The following FAR2 variants were observed in gnomAD, a reference collection of about 807,000 sequenced individuals.
FAR2 encodes fatty acyl-CoA reductase 2.
FAR2 carries 19 observed loss-of-function variants against 56.0 expected under a neutral mutation model. The observed-to-expected ratio is 0.34, with a 90% CI of 0.24 to 0.50. The LOEUF (loss-of-function observed/expected upper bound fraction) is 0.50, where lower values mean the gene tolerates loss of function less well. FAR2 is among the 20% of genes least tolerant of loss of function. FAR2 has a pLI of 0.98. For synonymous variants in FAR2, 219 were observed against 218.8 expected (o/e 1.00, Z -0.01); for missense variants, 508 against 642.2 (o/e 0.79, Z 2.26).
chr12:29,319,393 G>GT (rs1003865325), intron 9 of FAR2, among the ~76,000 whole-genome samples: 3 of 151,996 alleles, frequency 2.0e-5, no homozygotes, highest in Non-Finnish European at 4.4e-5. Context: ...ACATCTTTTT[G>GT]TTTTTTTGAT....
At chr12:29,329,345 G>C (rs1949697662) in intron 10 of FAR2, among the ~76,000 whole-genome samples, 1 of 152,136 alleles carries the variant, frequency 6.6e-6, no homozygotes, top group South Asian at 2.1e-4. Flanking sequence ...AAGGTAATGA[G>C]CTTGGTTTCA....
intron 2 of FAR2, among the ~76,000 whole-genome samples, chr12:29,286,239 G>C (rs1430310400): frequency 3.3e-5 from 5 of 152,146 alleles, no homozygotes; most frequent in African/African-American, 4.8e-5. Flanking sequence ...CGAATCCTCA[G>C]AAATCTCTGC....
At chr12:29,240,949 A>T (rs1476236103) in intron 1 of FAR2, among the ~76,000 whole-genome samples, 1 of 152,040 alleles carries the variant, frequency 6.6e-6, no homozygotes, top group Non-Finnish European at 1.5e-5. Flanking sequence ...GGAATTACAG[A>T]CATGCACTAC....
intron 1 of FAR2, among the ~76,000 whole-genome samples, chr12:29,194,670 G>A (rs1270070221): frequency 6.6e-6 from 1 of 152,104 alleles, no homozygotes; most frequent in Non-Finnish European, 1.5e-5. Context: ...TAAAATTAAA[G>A]GAGACTGGCT....
chr12:29,186,693 T>C (rs796311923), intron 1 of FAR2, among the ~76,000 whole-genome samples: 4 of 152,238 alleles, frequency 2.6e-5, no homozygotes, highest in African/African-American at 9.6e-5. Context: ...TTATGTAGGA[T>C]AGTACCTGAG....
intron 1 of FAR2, among the ~76,000 whole-genome samples, chr12:29,170,282 G>A (rs1949872636): frequency 6.6e-6 from 1 of 152,208 alleles, no homozygotes; most frequent in Non-Finnish European, 1.5e-5. Flanking sequence ...CTGTCCTGAA[G>A]GGAGTTCCTC....
Position 29,270,543 on chromosome 12 carries a change from C to A in FAR2, c.94C>A (p.Arg32Ser). ...CAAAGTGCTGATGGAGAAGCTGTTT[C>A]GCACCAGCCCAGACCTGAAAGTCAT... ...LGKVLMEKLFRTSPDLKVIYI... is the reference protein window; with the variant it reads ...LGKVLMEKLFSTSPDLKVIYI... Residue 32 changes from arginine to serine, a missense_variant, in exon 2 of 12, where the codon CGC becomes AGC. Arg to Ser is a moderately radical substitution (Grantham distance 110, BLOSUM62 -1). Coordinates refer to ENST00000536681, the MANE Select transcript of FAR2 (RefSeq NM_001271783.2). 2 of 1,614,034 alleles carry A rather than the reference C, an allele frequency of 1.2e-6. No individual in the cohort carries two copies. The highest frequency in any genetic ancestry group is 4.5e-5 in the East Asian group (2 of 44,872).
chr12:29,235,914 GA>G (rs1403821122), intron 1 of FAR2, among the ~76,000 whole-genome samples: 2 of 152,156 alleles, frequency 1.3e-5, no homozygotes, highest in African/African-American at 4.8e-5. Context: ...GAGGGGGGAA[GA>G]AATAAGGAGA....
At chr12:29,263,926 G>T (rs1181918017) in intron 1 of FAR2, among the ~76,000 whole-genome samples, 2 of 151,884 alleles carry the variant, frequency 1.3e-5, no homozygotes, top group Admixed American at 6.6e-5. Context: ...CCAAAAAATA[G>T]AGGAGGAAGG....
At chr12:29,272,025 A>G (rs1393214587) in intron 2 of FAR2, among the ~76,000 whole-genome samples, 4 of 152,230 alleles carry the variant, frequency 2.6e-5, no homozygotes, top group Non-Finnish European at 5.9e-5. Flanking sequence ...CTGATATGAC[A>G]TAGAACCAAA....
chr12:29,306,306 C>T (rs946344625), intron 4 of FAR2, among the ~76,000 whole-genome samples: 24 of 152,140 alleles, frequency 1.6e-4, no homozygotes, highest in African/African-American at 4.6e-4. Context: ...GTATCCAGAA[C>T]ACACTCAGCA....
chr12:29,261,868 CA>C (rs2136693909), intron 1 of FAR2, among the ~76,000 whole-genome samples: 1 of 152,248 alleles, frequency 6.6e-6, no homozygotes, highest in East Asian at 1.9e-4. Context: ...CCCAGACAAA[CA>C]AAAGCTGAGG....
intron 1 of FAR2, among the ~76,000 whole-genome samples, chr12:29,153,170 A>T (rs57776139): frequency 0.19 from 29,414 of 152,162 alleles, 2,862 homozygotes; most frequent in East Asian, 0.29. Context: ...AGACATTTAC[A>T]AAATAAACAT....
At chr12:29,253,376 T>TATAC (rs1565489589) in intron 1 of FAR2, among the ~76,000 whole-genome samples, 51 of 145,428 alleles carry the variant, frequency 3.5e-4, no homozygotes, top group African/African-American at 1.2e-3. Flanking sequence ...TCTATCTATC[T>TATAC]AGATAGATAG....
chr12:29,234,985 TTGAA>T (rs1947916126), intron 1 of FAR2, among the ~76,000 whole-genome samples: 1 of 152,184 alleles, frequency 6.6e-6, no homozygotes, highest in South Asian at 2.1e-4. Context: ...GTTTCTCTCT[TTGAA>T]TGTGAACTGA....
At chr12:29,229,762 T>TGTG (rs1056074191) in intron 1 of FAR2, among the ~76,000 whole-genome samples, 1 of 152,102 alleles carries the variant, frequency 6.6e-6, no homozygotes, top group African/African-American at 2.4e-5. Flanking sequence ...ACATTACAAC[T>TGTG]GTGGTAAGTG....
chr12:29,293,157 A>C (rs1949000805), intron 2 of FAR2, 143 bp from the exon 3 acceptor site: 1 of 642,300 alleles, frequency 1.6e-6, no homozygotes, highest in Non-Finnish European at 2.4e-6. Context: ...ATATGCCACC[A>C]TGCCCAGCCA....
intron 1 of FAR2, among the ~76,000 whole-genome samples, chr12:29,222,034 G>A (rs755543711): frequency 6.6e-6 from 1 of 152,082 alleles, no homozygotes; most frequent in Non-Finnish European, 1.5e-5. Context: ...ATTTTTAGTA[G>A]AGACGGGTTT....
At chr12:29,308,083 C>G (rs1949282479) in intron 5 of FAR2, 1 of 343,266 alleles carries the variant, frequency 2.9e-6, no homozygotes, top group Non-Finnish European at 5.3e-6. Context: ...CTTCTAACTA[C>G]TCTAGTCTCA....
Sources: gnomAD v4.1 joint callset for allele counts (sites outside exome capture counted in the v4.1 genomes callset) on GRCh38, gnomAD v4.1.1 for gene constraint, MANE v1.5 for transcripts, NCBI Gene and HGNC (gene_info 2026-07-23, HGNC 2026-07-21) for gene names.